Variants in DENND1B observed in about 807,000 individuals in gnomAD.
The protein encoded by DENND1B is DENN domain-containing protein 1B.
DENND1B carries 59 observed loss-of-function variants against 90.1 expected under a neutral mutation model. That is an observed-to-expected ratio of 0.65 (90% CI 0.53 to 0.81). DENND1B has a LOEUF of 0.81. DENND1B is among the 40% of genes least tolerant of loss of function. The pLI is 0.00. For synonymous variants in DENND1B, 337 were observed against 324.6 expected (o/e 1.04, Z -0.41); for missense variants, 862 against 912.6 (o/e 0.94, Z 0.71).
At position 197,589,698 on chromosome 1, in the gene DENND1B, C is replaced by CA. The variant is rs1675017019; in HGVS notation, c.1047+5509dup. On this transcript the variant is annotated intron_variant, in intron 14 of 22. Coordinates refer to ENST00000620048, the MANE Select transcript of DENND1B (RefSeq NM_001195215.2). ...CTGATAATGTTTTAAAGAAAATAAT[C>CA]AAAAAATGTTTGAAAGATAACTCCT... 2.0e-5 allele frequency among the ~76,000 whole-genome samples: 3 copies of CA among 152,150 alleles called. No homozygotes were observed. The South Asian group carries it at 6.2e-4, about 32-fold the overall frequency.
Position 197,611,948 on chromosome 1 carries a change from G to T in DENND1B, c.802C>A (p.His268Asn), listed in dbSNP as rs1677217990. 1 of 1,603,870 alleles carries T rather than the reference G, an allele frequency of 6.2e-7. No individual in the cohort carries two copies. The highest frequency in any genetic ancestry group is 1.3e-5 in the African/African-American group (1 of 74,346). ...ATACTCACCTCTATGAGGCTGGAGTGTATTCCAATCAGGTATGGCATTGGG... is the reference window on the plus strand; with the variant it reads ...ATACTCACCTCTATGAGGCTGGAGTTTATTCCAATCAGGTATGGCATTGGG... ...CAPMPYLIGIHSSLIERVKNK... is the reference protein window; with the variant it reads ...CAPMPYLIGINSSLIERVKNK... Residue 268 changes from histidine (H) to asparagine (N), a missense_variant, in exon 12 of 23, where the codon CAC becomes AAC. His to Asn is a moderately conservative substitution (Grantham distance 68, BLOSUM62 1). Coordinates refer to ENST00000620048, the MANE Select transcript of DENND1B (RefSeq NM_001195215.2).
chr1:197,520,690 T>A (rs1668711719), intron 20 of DENND1B, among the ~76,000 whole-genome samples: 1 of 151,922 alleles, frequency 6.6e-6, no homozygotes, highest in African/African-American at 2.4e-5. Flanking sequence ...AAGGGTACAT[T>A]TTTTTGGATG....
intron 10 of DENND1B, among the ~76,000 whole-genome samples, chr1:197,624,336 A>G (rs1361228176): frequency 2.0e-5 from 3 of 151,772 alleles, no homozygotes; most frequent in Admixed American, 2.0e-4. Context: ...AGTCTTATCA[A>G]TAAATGGTGC....
chr1:197,554,565 C>T (rs561578156), intron 15 of DENND1B, among the ~76,000 whole-genome samples: 7 of 152,056 alleles, frequency 4.6e-5, no homozygotes, highest in South Asian at 4.2e-4. Flanking sequence ...ATAGGCTGGG[C>T]GTGGTGGCTC....
intron 2 of DENND1B, chr1:197,734,362 G>A: frequency 1.0e-6 from 1 of 975,632 alleles, no homozygotes; most frequent in Non-Finnish European, 1.2e-6. Flanking sequence ...ATTAAGTTAT[G>A]GTTGAGTTCA....
intron 2 of DENND1B, among the ~76,000 whole-genome samples, chr1:197,761,069 T>C (rs1416238993): frequency 1.3e-5 from 2 of 152,208 alleles, no homozygotes; most frequent in Non-Finnish European, 1.5e-5. Context: ...GAAATTGTGC[T>C]GCTCCTTATT....
At chr1:197,628,187 T>C (rs1223322317) in intron 10 of DENND1B, among the ~76,000 whole-genome samples, 1 of 152,044 alleles carries the variant, frequency 6.6e-6, no homozygotes, top group Non-Finnish European at 1.5e-5. Flanking sequence ...TTAAAGTTCA[T>C]ATAGAACCAA....
intron 20 of DENND1B, among the ~76,000 whole-genome samples, chr1:197,521,137 A>C (rs926408937): frequency 4.6e-5 from 7 of 152,008 alleles, no homozygotes; most frequent in African/African-American, 1.7e-4. Context: ...CAGAGGTAGA[A>C]GGACCAAGAC....
chr1:197,598,667 A>C (rs1175072480), intron 13 of DENND1B, among the ~76,000 whole-genome samples: 2 of 151,834 alleles, frequency 1.3e-5, no homozygotes, highest in Non-Finnish European at 2.9e-5. Flanking sequence ...AATTCAGAAA[A>C]GCATTTGGAG....
chr1:197,579,232 C>T (rs897449579), intron 15 of DENND1B, among the ~76,000 whole-genome samples: 2 of 152,080 alleles, frequency 1.3e-5, no homozygotes, highest in Non-Finnish European at 2.9e-5. Context: ...GAAACCAACA[C>T]GAGGGGGGCA....
At chr1:197,734,929 T>C (rs1662500926) in intron 2 of DENND1B, 5 of 985,212 alleles carry the variant, frequency 5.1e-6, no homozygotes, top group African/African-American at 1.7e-5. Context: ...AATAGACACA[T>C]GAAAATCTAA....
chr1:197,628,612 A>G (rs1379681924), intron 10 of DENND1B, among the ~76,000 whole-genome samples: 1 of 152,204 alleles, frequency 6.6e-6, no homozygotes, highest in African/African-American at 2.4e-5. Context: ...GGACATAGGC[A>G]TGGGCAAGGA....
chr1:197,774,731 C>G (rs1254233020), intron 1 of DENND1B: 1 of 158,778 alleles, frequency 6.3e-6, no homozygotes, highest in Admixed American at 6.5e-5. Context: ...AACCTCTTAA[C>G]CTCAACGCTG....
At chr1:197,733,709 A>T (rs1484229201) in intron 2 of DENND1B, among the ~76,000 whole-genome samples, 1 of 152,162 alleles carries the variant, frequency 6.6e-6, no homozygotes, top group Non-Finnish European at 1.5e-5. Context: ...CCAAAGAGAA[A>T]ATCCTGTCAA....
At chr1:197,777,251 T>C (rs952136209), upstream of DENND1B, among the ~76,000 whole-genome samples, 1 of 152,202 alleles carries the variant, frequency 6.6e-6, no homozygotes, top group Non-Finnish European at 1.5e-5. Context: ...TGTGAGGAGA[T>C]AATAATACAA....
chr1:197,625,271 C>T (rs1275700370), intron 10 of DENND1B, among the ~76,000 whole-genome samples: 1 of 151,950 alleles, frequency 6.6e-6, no homozygotes, highest in Non-Finnish European at 1.5e-5. Context: ...AGAGAAAGGT[C>T]GGGTTACCCT....
chr1:197,665,289 T>A (rs1218777382), intron 5 of DENND1B, among the ~76,000 whole-genome samples: 1 of 152,206 alleles, frequency 6.6e-6, no homozygotes, highest in Non-Finnish European at 1.5e-5. Context: ...TAGCATAGCA[T>A]GCAATTTTCT....
At chr1:197,529,236 ATATATATG>A (rs1432832349) in intron 20 of DENND1B, among the ~76,000 whole-genome samples, 13 of 10,138 alleles carry the variant, frequency 1.3e-3, no homozygotes, top group African/African-American at 2.4e-3. Flanking sequence ...ATATATATAT[ATATATATG>A]TGTGTGTGTG....
At chr1:197,656,203 T>C (rs1056717409) in intron 6 of DENND1B, among the ~76,000 whole-genome samples, 1 of 151,726 alleles carries the variant, frequency 6.6e-6, no homozygotes, top group Non-Finnish European at 1.5e-5. Flanking sequence ...ATAAATAGTA[T>C]CTAGAGAAAA....
Sources: gnomAD v4.1 joint callset for allele counts (sites outside exome capture counted in the v4.1 genomes callset) on GRCh38, gnomAD v4.1.1 for gene constraint, MANE v1.5 for transcripts, NCBI Gene and HGNC (gene_info 2026-07-23, HGNC 2026-07-21) for gene names.